DLGAP2: variants seen among roughly 807,000 people sequenced by gnomAD.
The protein encoded by DLGAP2 is DLG associated protein 2.
DLGAP2 carries 26 observed loss-of-function variants against 100.3 expected under a neutral mutation model. The ratio of observed to expected loss-of-function variants is 0.26; its 90% CI spans 0.19 to 0.36. The LOEUF (loss-of-function observed/expected upper bound fraction) is 0.36, where lower values mean the gene tolerates loss of function less well. Ranked by LOEUF, DLGAP2 falls within the 10% of genes least tolerant of loss-of-function variation. The probability of loss-of-function intolerance (pLI) is 1.00; values close to 1 mark genes in which losing one functional copy is unlikely to be tolerated. For missense variants in DLGAP2, 1,858 were observed against 1,453.2 expected (o/e 1.28, Z -4.53); for synonymous variants, 886 against 630.1 (o/e 1.41, Z -6.08).
intron 3 of DLGAP2, chr8:1,368,874 CA>C (rs1802171516): frequency 6.6e-6 from 1 of 152,218 alleles, no homozygotes; most frequent in African/African-American, 2.4e-5. Context: ...GCACAAAGGT[CA>C]AATTGACTGC....
At chr8:1,286,480 G>A (rs1462764812) in intron 3 of DLGAP2, among the ~76,000 whole-genome samples, 4 of 152,178 alleles carry the variant, frequency 2.6e-5, no homozygotes, top group Non-Finnish European at 2.9e-5. Context: ...AGCTTTCCCC[G>A]TAGACTGTTT....
chr8:1,049,312 CTACTTCTATAATTT>C lies in DLGAP2; in HGVS notation c.73+141349_73+141362del, dbSNP rs950219330. On this transcript the variant is annotated intron_variant, in intron 2 of 14. Coordinates refer to ENST00000637795, the MANE Select transcript of DLGAP2 (RefSeq NM_001346810.2). ...ATCAATGTTAGGATGGAGGCCTGTT[CTACTTCTATAATTT>C]TAACGTCTTCGAAGACACAGACACC... Among the ~76,000 whole-genome samples, 9 of 152,154 alleles carry C rather than the reference CTACTTCTATAATTT, an allele frequency of 5.9e-5. No homozygotes were observed. The East Asian group carries it at 1.6e-3, about 26-fold the overall frequency.
chr8:1,302,580 C>A (rs1208626273), intron 3 of DLGAP2: 1 of 152,310 alleles, frequency 6.6e-6, no homozygotes, highest in Non-Finnish European at 1.5e-5. Context: ...AGCTCTGCTC[C>A]ATACCTGGGA....
At chr8:1,072,681 C>G (rs375852089) in intron 2 of DLGAP2, among the ~76,000 whole-genome samples, 1 of 152,190 alleles carries the variant, frequency 6.6e-6, no homozygotes, top group African/African-American at 2.4e-5. Flanking sequence ...CCATCATGCT[C>G]TCCTGGAGAA....
At chr8:1,253,426 G>C (rs1048838971) in intron 2 of DLGAP2, among the ~76,000 whole-genome samples, 1 of 152,262 alleles carries the variant, frequency 6.6e-6, no homozygotes. Flanking sequence ...GCCAGAGATA[G>C]CATGCGCTCG....
intron 6 of DLGAP2, among the ~76,000 whole-genome samples, chr8:1,571,334 A>AG (rs1281425756): frequency 2.0e-5 from 2 of 98,098 alleles, no homozygotes; most frequent in South Asian, 3.9e-4. Context: ...GGGAGGAGAG[A>AG]GGGTGAACTG....
intron 3 of DLGAP2, among the ~76,000 whole-genome samples, chr8:1,347,459 A>G (rs114976969): frequency 6.6e-6 from 1 of 151,478 alleles, no homozygotes; most frequent in Non-Finnish European, 1.5e-5. Context: ...TTGAGTTCCC[A>G]TACAGAGCTG....
chr8:946,456 G>A lies in DLGAP2; in HGVS notation c.73+38490G>A, dbSNP rs569915398. On this transcript the variant is annotated intron_variant, in intron 2 of 14. Transcript: ENST00000637795. ...TTTTTTGTAGTTTTTGTAGAGACGG[G>A]GTTTCACCATATTAGCCAGGATGGT... is the stretch of plus-strand genomic sequence containing the variant. Among the ~76,000 whole-genome samples the A allele has an allele frequency of 2.3e-3, 344 of 152,012 alleles. 1 individual carries two copies. Among genetic ancestry groups the A allele is most frequent in the Non-Finnish European group, 3.5e-3 (239 of 67,944 alleles).
rs777843569 is a variant in DLGAP2, at chr8:1,549,098, G to C, written c.645G>C (p.Thr215=). Residue 215 remains threonine, a synonymous_variant, in exon 5 of 15, where the codon ACG becomes ACC. Coordinates refer to ENST00000637795, the MANE Select transcript of DLGAP2 (RefSeq NM_001346810.2). ...TCCACACGCTGCAGTACCAGAGGACGTCCGCGGCCGCCGAGCAGCGCAGCG... is the reference window on the plus strand; with the variant it reads ...TCCACACGCTGCAGTACCAGAGGACCTCCGCGGCCGCCGAGCAGCGCAGCG... ...DGFHTLQYQR[T]SAAAEQRSES... 2 of 1,582,978 alleles carry C rather than the reference G, an allele frequency of 1.3e-6. No homozygotes were observed. The highest frequency in any genetic ancestry group is 1.7e-6 in the Non-Finnish European group (2 of 1,167,938).
intron 1 of DLGAP2, among the ~76,000 whole-genome samples, chr8:903,757 C>T (rs1029610433): frequency 1.3e-5 from 2 of 152,214 alleles, no homozygotes; most frequent in East Asian, 1.9e-4. Flanking sequence ...GAGCCCAGCG[C>T]CTCCAGACAT....
intron 3 of DLGAP2, among the ~76,000 whole-genome samples, chr8:1,268,271 G>T (rs774729349): frequency 1.3e-4 from 20 of 152,170 alleles, no homozygotes; most frequent in Admixed American, 1.0e-3. Flanking sequence ...GGTTTAGTGT[G>T]ATTGGAGAAA....
intron 2 of DLGAP2, among the ~76,000 whole-genome samples, chr8:928,913 C>A (rs1329141751): frequency 6.6e-6 from 1 of 151,646 alleles, no homozygotes; most frequent in Non-Finnish European, 1.5e-5. Flanking sequence ...GACGGCTTTT[C>A]AGGCAGTTTT....
chr8:1,204,901 T>C (rs6989671), intron 2 of DLGAP2, among the ~76,000 whole-genome samples: 86,067 of 152,100 alleles, frequency 0.57, 26,719 homozygotes, highest in African/African-American at 0.83. Context: ...GTCCCAGAGC[T>C]GACCAGGGCT....
At chr8:818,349 C>A (rs1355366131) in intron 1 of DLGAP2, among the ~76,000 whole-genome samples, 1 of 152,208 alleles carries the variant, frequency 6.6e-6, no homozygotes, top group Admixed American at 6.5e-5. Context: ...GGTCTAACTC[C>A]CACCGTGCCC....
chr8:1,165,400 A>T (rs1433069962), intron 2 of DLGAP2, among the ~76,000 whole-genome samples: 1 of 152,196 alleles, frequency 6.6e-6, no homozygotes, highest in Non-Finnish European at 1.5e-5. Context: ...CTCGGGTCTT[A>T]GGGGACAGGT....
chr8:1,661,075 A>C (rs916937421), intron 8 of DLGAP2, among the ~76,000 whole-genome samples: 1 of 152,228 alleles, frequency 6.6e-6, no homozygotes, highest in Admixed American at 6.5e-5. Flanking sequence ...TAAAGACAGC[A>C]GTGACTGGCA....
At chr8:1,241,156 G>A (rs1798784763) in intron 2 of DLGAP2, among the ~76,000 whole-genome samples, 1 of 137,866 alleles carries the variant, frequency 7.3e-6, no homozygotes, top group South Asian at 2.6e-4. Flanking sequence ...GTGGTGCCAT[G>A]TCTAGTTCTC....
rs541205758 is a variant in DLGAP2 at position 1,119,518 on chromosome 8, C to T, written c.74-139333C>T. ...CTTCTCGCAGTTCAGCCCTGCTGCT[C>T]TTCTTCAGCAGATCGGGGTAGCAGG... On this transcript the variant is annotated intron_variant, in intron 2 of 14. Transcript: ENST00000637795. Among the ~76,000 whole-genome samples, 223 of 152,318 alleles carry T rather than the reference C, an allele frequency of 1.5e-3. 1 individual carries two copies. Among genetic ancestry groups the T allele is most frequent in the African/African-American group, 5.2e-3 (218 of 41,560 alleles).
At chr8:1,526,856 G>A (rs981603557) in intron 4 of DLGAP2, among the ~76,000 whole-genome samples, 2 of 152,180 alleles carry the variant, frequency 1.3e-5, no homozygotes, top group Non-Finnish European at 2.9e-5. Context: ...TTCTCTCTGG[G>A]CAGCCCTCCT....
Sources: gnomAD v4.1 joint callset for allele counts (sites outside exome capture counted in the v4.1 genomes callset) on GRCh38, gnomAD v4.1.1 for gene constraint, MANE v1.5 for transcripts, NCBI Gene and HGNC (gene_info 2026-07-23, HGNC 2026-07-21) for gene names.